The following ARHGAP5 variants were observed in gnomAD, a reference collection of about 807,000 sequenced individuals.
ARHGAP5 encodes the protein rho GTPase-activating protein 5.
ARHGAP5 carries 23 observed loss-of-function variants against 116.6 expected under a neutral mutation model. The ratio of observed to expected loss-of-function variants is 0.20; its 90% confidence interval spans 0.14 to 0.28. ARHGAP5 has a LOEUF of 0.28. Ranked by LOEUF, ARHGAP5 falls within the 10% of genes least tolerant of loss-of-function variation. ARHGAP5 has a pLI of 1.00. For missense variants in ARHGAP5, 1,405 were observed against 1,774.8 expected (o/e 0.79, Z 3.74); for synonymous variants, 574 against 602.0 (o/e 0.95, Z 0.68).
intron 2 of ARHGAP5, among the ~76,000 whole-genome samples, chr14:32,101,182 T>G (rs1463232852): frequency 6.6e-6 from 1 of 152,222 alleles, no homozygotes; most frequent in Non-Finnish European, 1.5e-5. Flanking sequence ...CTTTGTATTT[T>G]ACTGCTCCCT....
intron 2 of ARHGAP5, among the ~76,000 whole-genome samples, chr14:32,099,003 C>T (rs1349588255): frequency 6.6e-6 from 1 of 152,000 alleles, no homozygotes; most frequent in East Asian, 1.9e-4. Context: ...GTAATCTAAG[C>T]GAATCATGAT....
At chr14:32,096,324 T>TA (rs1878525903) in intron 2 of ARHGAP5, among the ~76,000 whole-genome samples, 1 of 152,232 alleles carries the variant, frequency 6.6e-6, no homozygotes, top group South Asian at 2.1e-4. Context: ...TGTATACTTT[T>TA]AGTCAGGAGG....
At chr14:32,114,391 A>G (rs1185443657) in intron 2 of ARHGAP5, among the ~76,000 whole-genome samples, 2 of 152,246 alleles carry the variant, frequency 1.3e-5, no homozygotes, top group African/African-American at 4.8e-5. Flanking sequence ...AAAAGAACTC[A>G]GCCAGTGTAC....
At chr14:32,115,703 G>A (rs571061344) in intron 2 of ARHGAP5, among the ~76,000 whole-genome samples, 51 of 150,024 alleles carry the variant, frequency 3.4e-4, no homozygotes, top group Non-Finnish European at 5.0e-4. Flanking sequence ...TGGGTGCTGT[G>A]GCTCATGCAT....
chr14:32,083,610 G>C (rs2041799977), intron 1 of ARHGAP5, among the ~76,000 whole-genome samples: 1 of 152,158 alleles, frequency 6.6e-6, no homozygotes, highest in Non-Finnish European at 1.5e-5. Flanking sequence ...TTAATGTAGT[G>C]TGGAAAGTGC....
At position 32,092,788 on chromosome 14, in the gene ARHGAP5, A is replaced by G. The variant is rs747218960; in HGVS notation, c.2119A>G (p.Ile707Val). The G allele has an allele frequency of 1.9e-6, 3 of 1,614,054 alleles. No individual in the cohort carries two copies. Among genetic ancestry groups the G allele is most frequent in the South Asian group, 1.1e-5 (1 of 91,078 alleles). Reference sequence around the variant, plus strand: ...AATTCTGGCTAATCAGAGAGATTCCATTAGTAAGAATCTACCAATTCTCAG... The same window carrying G: ...AATTCTGGCTAATCAGAGAGATTCCGTTAGTAAGAATCTACCAATTCTCAG... ...TLILANQRDS[I>V]SKNLPILRHQ... Residue 707 changes from isoleucine to valine, a missense_variant, in exon 2 of 7, where the codon ATT becomes GTT. Physicochemically the swap from Ile to Val is conservative, Grantham distance 29. Around this residue, in one of 6 missense-constraint regions of ARHGAP5, gnomAD observed 944 missense variants for 1,095.3 expected, o/e 0.86. Transcript: ENST00000345122. This position sits in a 1 kb window ranked among gnomAD's most constrained non-coding sequence, Gnocchi z 4.1.
chr14:32,152,681 A>G (rs1345324500), intron 6 of ARHGAP5, among the ~76,000 whole-genome samples, 153 bp downstream of exon 6: 1 of 152,230 alleles, frequency 6.6e-6, no homozygotes, highest in Non-Finnish European at 1.5e-5. Flanking sequence ...ATCTAAAAAG[A>G]TATATGATTA....
At chr14:32,105,488 T>A (rs12590438) in intron 2 of ARHGAP5, among the ~76,000 whole-genome samples, 133,430 of 150,818 alleles carry the variant, frequency 0.88, 59,220 homozygotes, top group Non-Finnish European at 0.92. Context: ...TTTTTTTTTT[T>A]AAAAAAAAGA....
In ARHGAP5 at chr14:32,154,857, T is replaced by G. The variant is rs765407175; in HGVS notation, c.4418T>G (p.Val1473Gly). The change falls in exon 7 of 7, where the codon GTG (valine) becomes GGG (glycine). Residue 1473 changes from valine to glycine, a missense_variant. This residue lies in a region of ARHGAP5 where 85 missense variants were observed against 96.6 expected (regional missense o/e 0.88). Coordinates refer to ENST00000345122, the MANE Select transcript of ARHGAP5 (RefSeq NM_001030055.2). ...PPPPSNPGQLVEPMVPLQLPP... is the reference protein window; with the variant it reads ...PPPPSNPGQLGEPMVPLQLPP... ...CCACCTTCAAACCCAGGACAGTTGG[T>G]GGAACCAATGGTGCCACTTCAGTTG... The G allele has an allele frequency of 6.2e-7, 1 of 1,614,132 alleles. No individual in the cohort carries two copies. The highest frequency in any genetic ancestry group is 8.5e-7 in the Non-Finnish European group (1 of 1,179,994).
At position 32,093,871 on chromosome 14, in the gene ARHGAP5, A is replaced by G; in HGVS notation, c.3202A>G (p.Lys1068Glu). The part of the protein sequence containing the change: ...LLKTIEAGIG[K>E]NPRKQTSRVP... ...AAAAACAATTGAAGCTGGTATTGGTAAAAATCCAAGAAAGCAGACTTCCCG... is the reference window on the plus strand; with the variant it reads ...AAAAACAATTGAAGCTGGTATTGGTGAAAATCCAAGAAAGCAGACTTCCCG... The change falls in exon 2 of 7, where the codon AAA (lysine) becomes GAA (glutamate). Residue 1068 changes from lysine to glutamate, a missense_variant. Lys to Glu is a moderately conservative substitution (Grantham distance 56). This residue lies in a region of ARHGAP5 where 944 missense variants were observed against 1,095.3 expected (regional missense o/e 0.86). Coordinates refer to ENST00000345122, the MANE Select transcript of ARHGAP5 (RefSeq NM_001030055.2). 1 of 1,614,060 alleles carries G rather than the reference A, an allele frequency of 6.2e-7. No homozygotes were observed. The highest frequency in any genetic ancestry group is 8.5e-7 in the Non-Finnish European group (1 of 1,179,992).
At position 32,093,004 on chromosome 14, in the gene ARHGAP5, A is replaced by C. The variant is rs139895818; in HGVS notation, c.2335A>C (p.Arg779=). 5.6e-6 allele frequency: 9 copies of C among 1,614,006 alleles called. No homozygotes were observed. The African/African-American group carries it at 9.3e-5, about 17-fold the overall frequency. ...TAAGGACTTATCAGAAGCTGACTTGAGAATTGTCATGTGCGCCATGTGTGG... is the reference window on the plus strand; with the variant it reads ...TAAGGACTTATCAGAAGCTGACTTGCGAATTGTCATGTGCGCCATGTGTGG... ...ANKDLSEADL[R]IVMCAMCGDP... is the part of the protein sequence containing the mutation. Residue 779 remains arginine, a synonymous_variant, in exon 2 of 7, where the codon AGA becomes CGA. Coordinates refer to ENST00000345122, the MANE Select transcript of ARHGAP5 (RefSeq NM_001030055.2).
rs759100156 is a variant in ARHGAP5, at chr14:32,092,965, C to T, written c.2296C>T (p.Pro766Ser). The change falls in exon 2 of 7, where the codon CCA becomes TCA. Residue 766 changes from proline (P) to serine (S), a missense_variant. This residue lies in a region of ARHGAP5 where 944 missense variants were observed against 1,095.3 expected (regional missense o/e 0.86). Transcript: ENST00000345122. This position sits in a 1 kb window ranked among gnomAD's most constrained non-coding sequence, Gnocchi z 4.1. Reference sequence around the variant, plus strand: ...TAAACACAATTTGGATGTGGTGAGCCCAATTCCTGCCAATAAGGACTTATC... The same window carrying T: ...TAAACACAATTTGGATGTGGTGAGCTCAATTCCTGCCAATAAGGACTTATC... ...SVKHNLDVVS[P>S]IPANKDLSEA... 4 of 1,613,790 alleles carry T rather than the reference C, an allele frequency of 2.5e-6. No individual in the cohort carries two copies. The highest frequency in any genetic ancestry group is 3.4e-6 in the Non-Finnish European group (4 of 1,179,916).
chr14:32,120,048 T>TTAG (rs1377066182), intron 3 of ARHGAP5, among the ~76,000 whole-genome samples: 28 of 152,116 alleles, frequency 1.8e-4, no homozygotes, highest in African/African-American at 6.8e-4. Flanking sequence ...TTCTTTAATT[T>TTAG]TAGTAGAATT....
intron 2 of ARHGAP5, among the ~76,000 whole-genome samples, chr14:32,097,452 A>C (rs1878580572): frequency 2.0e-5 from 3 of 152,202 alleles, no homozygotes; most frequent in Non-Finnish European, 4.4e-5. Context: ...AAAACTGCTA[A>C]ATTAGGAACA....
At chr14:32,099,442 G>A (rs1253830021) in intron 2 of ARHGAP5, among the ~76,000 whole-genome samples, 1 of 152,102 alleles carries the variant, frequency 6.6e-6, no homozygotes, top group Non-Finnish European at 1.5e-5. Context: ...AGTGTGGAAT[G>A]GCCAACTATC....
At chr14:32,096,378 C>T (rs992520234) in intron 2 of ARHGAP5, among the ~76,000 whole-genome samples, 3 of 151,534 alleles carry the variant, frequency 2.0e-5, no homozygotes, top group East Asian at 1.9e-4. Flanking sequence ...TTACAGAGAC[C>T]GTATGAAAAG....
chr14:32,153,929 G>GA (rs892182609), intron 6 of ARHGAP5: 21 of 149,376 alleles, frequency 1.4e-4, no homozygotes, highest in East Asian at 3.9e-4. Context: ...AAAGAGAGAG[G>GA]AAAAAAAAAG....
intron 2 of ARHGAP5, among the ~76,000 whole-genome samples, chr14:32,107,904 A>C (rs1458785785): frequency 3.9e-5 from 6 of 152,188 alleles, no homozygotes; most frequent in Non-Finnish European, 7.3e-5. Context: ...GTACAGCTAG[A>C]GAAGAAGGGA....
chr14:32,085,888 T>C (rs1178028185), intron 1 of ARHGAP5, among the ~76,000 whole-genome samples: 1 of 152,218 alleles, frequency 6.6e-6, no homozygotes, highest in African/African-American at 2.4e-5. Context: ...TTATGCTGGC[T>C]AAGTACATTA....
Sources: allele counts gnomAD v4.1 joint callset (sites outside exome capture counted in the v4.1 genomes callset), GRCh38; gene constraint gnomAD v4.1.1; regional missense constraint gnomAD v4.1.1; non-coding constraint Gnocchi (gnomAD v3.1); transcripts MANE v1.5; gene names NCBI Gene and HGNC (gene_info 2026-07-23, HGNC 2026-07-21).